IMMP2L: variants seen among roughly 807,000 people sequenced by gnomAD.
IMMP2L encodes inner mitochondrial membrane peptidase subunit 2.
IMMP2L carries 18 observed loss-of-function variants against 19.3 expected under a neutral mutation model. That is an observed-to-expected ratio of 0.93 (90% CI 0.64 to 1.38). The LOEUF (loss-of-function observed/expected upper bound fraction) is 1.38, where lower values mean the gene tolerates loss of function less well. Among genes scored for constraint, IMMP2L ranks in the 40% most tolerant of loss-of-function variants. IMMP2L has a pLI of 0.00. For missense variants in IMMP2L, 233 were observed against 218.2 expected (o/e 1.07, Z -0.43); for synonymous variants, 76 against 73.0 (o/e 1.04, Z -0.21).
chr7:110,737,255 A>T (rs903685280), intron 5 of IMMP2L, among the ~76,000 whole-genome samples: 1 of 152,214 alleles, frequency 6.6e-6, no homozygotes, highest in African/African-American at 2.4e-5. Context: ...TAATTTCTCA[A>T]TGGGGAGGTT....
At chr7:111,404,080 C>G (rs971591727) in intron 3 of IMMP2L, among the ~76,000 whole-genome samples, 5 of 152,142 alleles carry the variant, frequency 3.3e-5, no homozygotes, top group Admixed American at 3.3e-4. Context: ...TAACACAGCC[C>G]TAGCTCACAG....
At chr7:110,698,846 G>T (rs1018445689) in intron 5 of IMMP2L, among the ~76,000 whole-genome samples, 1 of 152,194 alleles carries the variant, frequency 6.6e-6, no homozygotes, top group Non-Finnish European at 1.5e-5. Context: ...AGTACAGAAA[G>T]ACATCAACAC....
chr7:111,556,018 G>GTGTATATATATATATATATA lies in IMMP2L; in HGVS notation c.-3+5832_-3+5833insTATATATATATATATATACA, dbSNP rs777862357. 3.0e-3 allele frequency among the ~76,000 whole-genome samples: 274 copies of GTGTATATATATATATATATA among 91,352 alleles called. 12 individuals are homozygous for GTGTATATATATATATATATA. The highest frequency in any genetic ancestry group is 0.016 in the Middle Eastern group (3 of 190). The allele number at this position is 91,352 out of a possible 152,430, so 59.9% of individuals were successfully genotyped here. A position where few individuals can be genotyped will look rare whatever the true frequency, so the allele number is the denominator to read the frequency against. ...TTAGCCATCCCTCTTCTGTGTGCAT[G>GTGTATATATATATATATATA]TATATATATATATATATACATACCC... On this transcript the variant is annotated intron_variant, in intron 1 of 5. Coordinates refer to ENST00000405709, the MANE Select transcript of IMMP2L (RefSeq NM_032549.4).
chr7:111,196,359 G>A (rs1289028599), intron 3 of IMMP2L, among the ~76,000 whole-genome samples: 2 of 151,838 alleles, frequency 1.3e-5, no homozygotes, highest in East Asian at 1.9e-4. Context: ...AGAATCAAAC[G>A]ATAAAAATCA....
intron 3 of IMMP2L, among the ~76,000 whole-genome samples, chr7:111,378,920 G>T (rs76908510): frequency 6.6e-6 from 1 of 151,904 alleles, no homozygotes; most frequent in Non-Finnish European, 1.5e-5. Flanking sequence ...TAGTTATTCT[G>T]CATGAGAAAC....
Position 111,442,877 on chromosome 7 carries a change from A to G in IMMP2L, c.239+44361T>C, listed in dbSNP as rs73203014. On this transcript the variant is annotated intron_variant, in intron 3 of 5. Transcript: ENST00000405709. Reference sequence around the variant, plus strand: ...GCAAGTACTGTGAATAAAAAATCCAAATTGAGCTGGTTTGGACCTAGTTAC... The same window carrying G: ...GCAAGTACTGTGAATAAAAAATCCAGATTGAGCTGGTTTGGACCTAGTTAC... Among the ~76,000 whole-genome samples the G allele has an allele frequency of 2.1e-3, 315 of 152,006 alleles. 4 individuals are homozygous for G. The highest frequency in any genetic ancestry group is 3.3e-3 in the Non-Finnish European group (224 of 68,014).
chr7:111,042,827 G>T (rs934450307), intron 3 of IMMP2L, among the ~76,000 whole-genome samples: 1 of 152,070 alleles, frequency 6.6e-6, no homozygotes, highest in Non-Finnish European at 1.5e-5. Flanking sequence ...CCACTCTCTG[G>T]TATTCTGATG....
At chr7:111,103,286 G>C (rs1798181411) in intron 3 of IMMP2L, among the ~76,000 whole-genome samples, 1 of 151,422 alleles carries the variant, frequency 6.6e-6, no homozygotes, top group Non-Finnish European at 1.5e-5. Context: ...TTGCCAACAA[G>C]CATACACGTA....
chr7:111,173,291 T>A (rs575845659), intron 3 of IMMP2L, among the ~76,000 whole-genome samples: 1 of 151,700 alleles, frequency 6.6e-6, no homozygotes, highest in African/African-American at 2.4e-5. Flanking sequence ...ATAAATTAAT[T>A]TCCTAAAAAG....
At chr7:110,666,789 C>T (rs981739714) in intron 5 of IMMP2L, among the ~76,000 whole-genome samples, 4 of 152,182 alleles carry the variant, frequency 2.6e-5, no homozygotes, top group Admixed American at 2.0e-4. Flanking sequence ...CTAAAATATA[C>T]TCAAAATAGT....
At chr7:110,703,780 A>T (rs1794452195) in intron 5 of IMMP2L, among the ~76,000 whole-genome samples, 1 of 152,208 alleles carries the variant, frequency 6.6e-6, no homozygotes, top group South Asian at 2.1e-4. Context: ...AATGTGCAAC[A>T]TATTCAAAAT....
At chr7:111,552,595 T>A (rs1199815160) in intron 1 of IMMP2L, among the ~76,000 whole-genome samples, 1 of 152,132 alleles carries the variant, frequency 6.6e-6, no homozygotes, top group Non-Finnish European at 1.5e-5. Flanking sequence ...CTATAACACA[T>A]TTATATGCTG....
intron 2 of IMMP2L, among the ~76,000 whole-genome samples, chr7:111,502,289 AC>A (rs1220740300): frequency 1.3e-5 from 2 of 152,158 alleles, no homozygotes; most frequent in African/African-American, 4.8e-5. Context: ...ATATATATGC[AC>A]CCAATACAGG....
At chr7:111,170,958 T>C (rs951072709) in intron 3 of IMMP2L, among the ~76,000 whole-genome samples, 3 of 151,820 alleles carry the variant, frequency 2.0e-5, no homozygotes, top group Admixed American at 2.0e-4. Context: ...GATCATAGTA[T>C]ATAAGAACAC....
chr7:111,169,522 T>G (rs1424229394), intron 3 of IMMP2L, among the ~76,000 whole-genome samples: 2 of 151,844 alleles, frequency 1.3e-5, no homozygotes, highest in African/African-American at 4.8e-5. Context: ...AGGGAGAACA[T>G]GTCCCACGCC....
chr7:110,689,686 A>G (rs1793361003), intron 5 of IMMP2L, among the ~76,000 whole-genome samples: 1 of 152,072 alleles, frequency 6.6e-6, no homozygotes, highest in Non-Finnish European at 1.5e-5. Context: ...CCTAATTGTT[A>G]TGCTTGTCTT....
chr7:110,931,539 A>T (rs1815486429), intron 4 of IMMP2L, among the ~76,000 whole-genome samples: 1 of 152,100 alleles, frequency 6.6e-6, no homozygotes, highest in East Asian at 1.9e-4. Flanking sequence ...ATCCTCAGCT[A>T]ATCTTGACGT....
intron 4 of IMMP2L, among the ~76,000 whole-genome samples, chr7:110,900,946 C>G (rs983833508): frequency 2.6e-5 from 4 of 151,962 alleles, no homozygotes; most frequent in Admixed American, 6.6e-5. Flanking sequence ...ACCACACTGG[C>G]CTTTTCAATG....
At chr7:111,161,441 A>G (rs1190895894) in intron 3 of IMMP2L, among the ~76,000 whole-genome samples, 14 of 152,004 alleles carry the variant, frequency 9.2e-5, no homozygotes, top group Non-Finnish European at 8.8e-5. Context: ...AAGGAACTAT[A>G]AATGTCATTT....
Sources: allele counts gnomAD v4.1 joint callset (sites outside exome capture counted in the v4.1 genomes callset), GRCh38; gene constraint gnomAD v4.1.1; transcripts MANE v1.5; gene names NCBI Gene and HGNC (gene_info 2026-07-23, HGNC 2026-07-21).